Variants in MED24 observed in about 807,000 individuals in gnomAD.
The protein encoded by MED24 is mediator of RNA polymerase II transcription subunit 24.
A neutral mutation model predicts 118.8 loss-of-function variants in MED24; 74 were observed. The observed-to-expected ratio is 0.62, with a 90% confidence interval of 0.52 to 0.76. The LOEUF (loss-of-function observed/expected upper bound fraction) is 0.76. Among genes scored for constraint, MED24 ranks in the 30% least tolerant of loss-of-function variants. The probability of loss-of-function intolerance (pLI) is 0.00; values close to 1 mark genes in which losing one functional copy is unlikely to be tolerated. For synonymous variants in MED24, 521 were observed against 523.9 expected (o/e 0.99, Z 0.08); for missense variants, 1,041 against 1,278.9 (o/e 0.81, Z 2.84).
Position 40,020,037 on chromosome 17 carries a change from G to A in MED24, c.2705-104C>T, listed in dbSNP as rs778630552. 34 of 1,373,568 alleles carry A rather than the reference G, an allele frequency of 2.5e-5. 1 individual carries two copies. The South Asian group carries it at 2.7e-4, about 11-fold the overall frequency. The allele number at this position is 1,373,568 out of a possible 1,614,324, so 85.1% of individuals were successfully genotyped here. On this transcript the variant is annotated intron_variant, in intron 24 of 25. Coordinates refer to ENST00000394128, the MANE Select transcript of MED24 (RefSeq NM_014815.4). ...TGAAAAGGGAAAAGAAACACATGCT[G>A]AGCATGTCCCCAAAATGGGGTGTCA...
At chr17:40,020,737 G>A (rs1252491494) in intron 23 of MED24, 1 of 346,064 alleles carries the variant, frequency 2.9e-6, no homozygotes, top group African/African-American at 2.2e-5. Context: ...AGCCGAGATG[G>A]TGCCACTGCA....
At chr17:40,021,084 C>CAAAT (rs1156663947) in intron 23 of MED24, 12 of 152,830 alleles carry the variant, frequency 7.9e-5, no homozygotes, top group Admixed American at 3.9e-4. Context: ...AACAAACAAA[C>CAAAT]AAACAAACAA....
intron 1 of MED24, chr17:40,053,930 A>C (rs1461682253): frequency 1.8e-6 from 1 of 541,412 alleles, no homozygotes; most frequent in Non-Finnish European, 3.3e-6. Flanking sequence ...CAGGAGTTCG[A>C]GACTAGCCTG....
At chr17:40,027,306 C>T (rs554579249) in intron 16 of MED24, 77 bp downstream of exon 16, 7 of 1,461,614 alleles carry the variant, frequency 4.8e-6, no homozygotes, top group East Asian at 4.9e-5. Context: ...GCTGCGGGGG[C>T]GCAGGCAGTG....
intron 23 of MED24, 29 bp from the exon 24 acceptor site, chr17:40,020,382 G>A (rs1311697510): frequency 1.3e-6 from 2 of 1,571,678 alleles, no homozygotes; most frequent in Admixed American, 3.8e-5. Context: ...GGAGCGCTGG[G>A]AAACAGCCTG....
chr17:40,031,674 A>AT (rs1983397365), intron 10 of MED24, 54 bp from the exon 11 acceptor site: 2 of 1,527,836 alleles, frequency 1.3e-6, no homozygotes, highest in Admixed American at 3.5e-5. Context: ...GGCCCTGATC[A>AT]TCTCAGGCAA....
At position 40,044,619 on chromosome 17, in the gene MED24, C is replaced by T. The variant is rs527342054; in HGVS notation, c.214-8465G>A. ...GATTCTGGCCAGGCGCGGTGGCTCACGCCTATAATCTCAGCACTTTGGGAG... is the reference window on the plus strand; with the variant it reads ...GATTCTGGCCAGGCGCGGTGGCTCATGCCTATAATCTCAGCACTTTGGGAG... On this transcript the variant is annotated intron_variant, in intron 3 of 25. Coordinates refer to ENST00000394128, the MANE Select transcript of MED24 (RefSeq NM_014815.4). 3.9e-5 allele frequency among the ~76,000 whole-genome samples: 6 copies of T among 152,172 alleles called. No homozygotes were observed. The East Asian group carries it at 9.6e-4, about 24-fold the overall frequency.
intron 3 of MED24, among the ~76,000 whole-genome samples, chr17:40,044,029 G>A (rs1421822270): frequency 6.6e-6 from 1 of 150,672 alleles, no homozygotes; most frequent in African/African-American, 2.4e-5. Context: ...CTTGGAGGCT[G>A]AGGCAGGAGA....
At chr17:40,044,033 C>A (rs115992307) in intron 3 of MED24, among the ~76,000 whole-genome samples, 3,284 of 146,420 alleles carry the variant, frequency 0.022, 136 homozygotes, top group African/African-American at 0.078. Flanking sequence ...GAGGCTGAGG[C>A]AGGAGAATGG....
rs1426215724 is a variant in MED24 at position 40,033,484 on chromosome 17, A to T, written c.560-28T>A. 2 of 1,536,502 alleles carry T rather than the reference A, an allele frequency of 1.3e-6. No individual in the cohort carries two copies. Among genetic ancestry groups the T allele is most frequent in the Non-Finnish European group, 1.8e-6 (2 of 1,131,080 alleles). On this transcript the variant is annotated intron_variant, in intron 6 of 25. Transcript: ENST00000394128. The surrounding 1 kb of genome is among the most constrained non-coding windows in gnomAD (Gnocchi z 5.2). ...GGCAGAGGGAAGGAAGTACAGAAAC[A>T]TGATGGGAAACAGGAGAGAAGGAGC...
intron 3 of MED24, among the ~76,000 whole-genome samples, chr17:40,052,170 G>A (rs1215776390): frequency 5.9e-5 from 9 of 151,978 alleles, no homozygotes; most frequent in African/African-American, 1.5e-4. Flanking sequence ...GCAGGCACCT[G>A]TAGTCCCAGC....
At chr17:40,031,115 A>C in intron 12 of MED24, 44 bp downstream of exon 12, 1 of 1,524,314 alleles carries the variant, frequency 6.6e-7, no homozygotes, top group South Asian at 1.2e-5. Flanking sequence ...AACAAGAGAG[A>C]GGTCAAGGGG....
At chr17:40,027,114 TC>T in intron 16 of MED24, 80 bp from the exon 17 acceptor site, 2 of 1,519,580 alleles carry the variant, frequency 1.3e-6, no homozygotes, top group East Asian at 2.3e-5. Context: ...CTGCACTGTT[TC>T]CCGCCAGGCT....
intron 1 of MED24, chr17:40,053,976 C>A (rs1348561047): frequency 4.6e-5 from 18 of 388,920 alleles, no homozygotes; most frequent in Non-Finnish European, 8.0e-5. Context: ...ACTAAAAATA[C>A]AAAATTAGCC....
intron 6 of MED24, among the ~76,000 whole-genome samples, chr17:40,034,176 T>C (rs1456918751): frequency 6.6e-6 from 1 of 151,984 alleles, no homozygotes; most frequent in Non-Finnish European, 1.5e-5. Flanking sequence ...CCATGGAGCA[T>C]AAAAGGGGGA....
intron 3 of MED24, among the ~76,000 whole-genome samples, chr17:40,038,282 T>C (rs1984177270): frequency 6.6e-6 from 1 of 152,208 alleles, no homozygotes; most frequent in Non-Finnish European, 1.5e-5. Context: ...AGATGAATTC[T>C]ACTAACTAGT....
At chr17:40,038,496 G>A (rs745398752) in intron 3 of MED24, among the ~76,000 whole-genome samples, 2 of 151,820 alleles carry the variant, frequency 1.3e-5, no homozygotes, top group Non-Finnish European at 2.9e-5. Flanking sequence ...GTGGATCACG[G>A]GGTCAAGAGA....
chr17:40,024,029 C>T (rs778378318), intron 19 of MED24, among the ~76,000 whole-genome samples: 25 of 152,152 alleles, frequency 1.6e-4, no homozygotes, highest in Non-Finnish European at 3.4e-4. Flanking sequence ...AATGGAGCCA[C>T]AGACTTCTCA....
intron 3 of MED24, among the ~76,000 whole-genome samples, chr17:40,043,759 C>T (rs1405200137): frequency 6.6e-6 from 1 of 151,848 alleles, no homozygotes; most frequent in Admixed American, 6.6e-5. Flanking sequence ...GGCGCAGTGG[C>T]GGGCGCCTGT....
Sources: allele counts gnomAD v4.1 joint callset (sites outside exome capture counted in the v4.1 genomes callset), GRCh38; gene constraint gnomAD v4.1.1; non-coding constraint Gnocchi (gnomAD v3.1); transcripts MANE v1.5; gene names NCBI Gene and HGNC (gene_info 2026-07-23, HGNC 2026-07-21).